The following VPS13B variants were observed in gnomAD, a reference collection of about 807,000 sequenced individuals.
VPS13B encodes vacuolar protein sorting 13 homolog B.
In VPS13B, 285 loss-of-function variants were observed where a neutral mutation model predicts 426.4. That is an observed-to-expected ratio of 0.67 (90% CI 0.61 to 0.74). The LOEUF (loss-of-function observed/expected upper bound fraction) is 0.74. VPS13B is among the 30% of genes least tolerant of loss of function. The pLI is 0.00. For missense variants in VPS13B, 4,537 were observed against 4,782.6 expected (o/e 0.95, Z 1.51); for synonymous variants, 1,676 against 1,676.4 (o/e 1.00, Z 0.01).
At chr8:99,594,965 G>A (rs1471791378) in intron 33 of VPS13B, among the ~76,000 whole-genome samples, 1 of 151,928 alleles carries the variant, frequency 6.6e-6, no homozygotes, top group African/African-American at 2.4e-5. Context: ...ATTAATTATT[G>A]CTGAAATTTT....
intron 3 of VPS13B, among the ~76,000 whole-genome samples, chr8:99,092,874 GTTAT>G (rs1183425564): frequency 1.3e-5 from 2 of 150,514 alleles, no homozygotes; most frequent in African/African-American, 4.9e-5. Flanking sequence ...GGCAAATAAA[GTTAT>G]TTAGTTTGTT....
At chr8:99,110,059 T>C (rs1588047523) in intron 5 of VPS13B, among the ~76,000 whole-genome samples, 1 of 152,248 alleles carries the variant, frequency 6.6e-6, no homozygotes, top group Non-Finnish European at 1.5e-5. Flanking sequence ...ATTTGAAATA[T>C]GGTAGTCATA....
At chr8:99,189,630 C>T (rs1413522029) in intron 16 of VPS13B, among the ~76,000 whole-genome samples, 1 of 151,752 alleles carries the variant, frequency 6.6e-6, no homozygotes, top group Non-Finnish European at 1.5e-5. Context: ...TTATATTGCC[C>T]TTTCCTGTTA....
intron 2 of VPS13B, among the ~76,000 whole-genome samples, chr8:99,015,215 ATT>A (rs35213007): frequency 8.6e-5 from 11 of 127,884 alleles, no homozygotes; most frequent in African/African-American, 1.8e-4. Flanking sequence ...TAACAGCTCA[ATT>A]TTTTTTTTTT....
chr8:99,636,654 ATTT>A (rs1829082920), intron 33 of VPS13B, among the ~76,000 whole-genome samples: 19 of 151,924 alleles, frequency 1.3e-4, no homozygotes, highest in Admixed American at 1.2e-3. Context: ...TTTTATATGG[ATTT>A]TGTTTTTAGC....
chr8:99,567,598 TC>T (rs1476035256), intron 31 of VPS13B, among the ~76,000 whole-genome samples: 2 of 152,174 alleles, frequency 1.3e-5, no homozygotes, highest in African/African-American at 2.4e-5. Context: ...AAGCTGTAGT[TC>T]TTGTAGCATT....
intron 36 of VPS13B, among the ~76,000 whole-genome samples, chr8:99,702,263 A>G (rs1315313731): frequency 6.6e-6 from 1 of 152,114 alleles, no homozygotes; most frequent in Non-Finnish European, 1.5e-5. Flanking sequence ...CTTTGAGCTC[A>G]ATGGAGTTGA....
chr8:99,380,432 C>T (rs1221746541), intron 19 of VPS13B, among the ~76,000 whole-genome samples: 1 of 152,022 alleles, frequency 6.6e-6, no homozygotes, highest in Non-Finnish European at 1.5e-5. Flanking sequence ...GTTTGCTTAG[C>T]TTTTCTGTGT....
At chr8:99,454,688 T>TGGATC (rs1818360086) in intron 23 of VPS13B, among the ~76,000 whole-genome samples, 1 of 152,084 alleles carries the variant, frequency 6.6e-6, no homozygotes, top group Non-Finnish European at 1.5e-5. Flanking sequence ...ATGGTAAAAA[T>TGGATC]GTTTAGTTCG....
In VPS13B at chr8:99,720,326, T is replaced by A. The variant is rs1217796010; in HGVS notation, c.6658-19T>A. 6.2e-7 allele frequency: 1 copy of A among 1,603,532 alleles called. No homozygotes were observed. Among genetic ancestry groups the A allele is most frequent in the Non-Finnish European group, 8.5e-7 (1 of 1,172,998 alleles). On this transcript the variant is annotated intron_variant, in intron 37 of 61. Transcript: ENST00000357162. ...TGTTTGTATTTAAAAGCTACTAGAATTTTTTTATGATTTTAAAGGTCTTCT... is the reference window on the plus strand; with the variant it reads ...TGTTTGTATTTAAAAGCTACTAGAAATTTTTTATGATTTTAAAGGTCTTCT...
chr8:99,168,897 A>G lies in VPS13B; in HGVS notation c.2209-1142A>G, dbSNP rs181260651. On this transcript the variant is annotated intron_variant, in intron 15 of 61. Coordinates refer to ENST00000357162, the MANE Select transcript of VPS13B (RefSeq NM_152564.5). ...TTTTAAAAAATGTTTTATTTCTAAAACATTGTTTTGTTCACTCAAAACTGA... is the reference window on the plus strand; with the variant it reads ...TTTTAAAAAATGTTTTATTTCTAAAGCATTGTTTTGTTCACTCAAAACTGA... Among the ~76,000 whole-genome samples the G allele has an allele frequency of 6.3e-3, 964 of 152,146 alleles. 8 individuals are homozygous for G. The highest frequency in any genetic ancestry group is 0.022 in the African/African-American group (905 of 41,582).
intron 7 of VPS13B, among the ~76,000 whole-genome samples, chr8:99,117,716 C>G (rs1252879395): frequency 6.6e-6 from 1 of 152,082 alleles, no homozygotes; most frequent in Non-Finnish European, 1.5e-5. Context: ...TGATATGATT[C>G]CATTAGAAAT....
intron 19 of VPS13B, among the ~76,000 whole-genome samples, chr8:99,345,508 A>G (rs1173502253): frequency 1.3e-5 from 2 of 152,140 alleles, no homozygotes; most frequent in East Asian, 1.9e-4. Context: ...ACACATTGTT[A>G]TATATTTTTT....
chr8:99,101,533 T>G (rs1846749663), intron 4 of VPS13B, among the ~76,000 whole-genome samples: 1 of 152,224 alleles, frequency 6.6e-6, no homozygotes, highest in Non-Finnish European at 1.5e-5. Context: ...GGAGGTCTCA[T>G]TTATTAAGAA....
intron 18 of VPS13B, 96 bp downstream of exon 18, chr8:99,274,428 C>T (rs1667709825): frequency 6.4e-7 from 1 of 1,573,148 alleles, no homozygotes; most frequent in Non-Finnish European, 8.7e-7. Flanking sequence ...AATTTACTCA[C>T]TGTTGCTATG....
intron 58 of VPS13B, 137 bp from the exon 59 acceptor site, chr8:99,868,152 A>G: frequency 5.9e-6 from 6 of 1,022,240 alleles, no homozygotes; most frequent in Non-Finnish European, 8.8e-6. Context: ...TAACTGGTAA[A>G]CAAATGGGTA....
intron 25 of VPS13B, among the ~76,000 whole-genome samples, chr8:99,493,510 C>G (rs925122089): frequency 6.6e-6 from 1 of 151,944 alleles, no homozygotes; most frequent in Non-Finnish European, 1.5e-5. Context: ...ATGGGTTGGG[C>G]GTGGTGGCTC....
At chr8:99,679,216 G>T (rs1831058956) in intron 35 of VPS13B, among the ~76,000 whole-genome samples, 1 of 151,996 alleles carries the variant, frequency 6.6e-6, no homozygotes, top group East Asian at 1.9e-4. Flanking sequence ...ACCACTTTTG[G>T]CTGTTTCTAA....
At chr8:99,582,707 G>C (rs1826123558) in intron 33 of VPS13B, among the ~76,000 whole-genome samples, 1 of 151,960 alleles carries the variant, frequency 6.6e-6, no homozygotes, top group East Asian at 1.9e-4. Context: ...CCAGGCAGGA[G>C]TGCAGTGGCG....
Sources: allele counts gnomAD v4.1 joint callset (sites outside exome capture counted in the v4.1 genomes callset), GRCh38; gene constraint gnomAD v4.1.1; transcripts MANE v1.5; gene names NCBI Gene and HGNC (gene_info 2026-07-23, HGNC 2026-07-21).